The following NDEL1 variants were observed in gnomAD, a reference collection of about 807,000 sequenced individuals.
NDEL1 encodes the protein nuclear distribution protein nudE-like 1.
NDEL1 carries 9 observed loss-of-function variants against 45.7 expected under a neutral mutation model. That is an observed-to-expected ratio of 0.20 (90% confidence interval 0.12 to 0.34). The LOEUF is 0.34. Ranked by LOEUF, NDEL1 falls within the 10% of genes least tolerant of loss-of-function variation. The probability of loss-of-function intolerance (pLI) is 1.00; values close to 1 mark genes in which losing one functional copy is unlikely to be tolerated. For synonymous variants in NDEL1, 133 were observed against 158.6 expected (o/e 0.84, Z 1.21); for missense variants, 306 against 406.2 (o/e 0.75, Z 2.12).
intron 1 of NDEL1, among the ~76,000 whole-genome samples, chr17:8,437,048 A>T (rs1909397455): frequency 6.6e-6 from 1 of 152,220 alleles, no homozygotes; most frequent in African/African-American, 2.4e-5. Context: ...TATTTTTGAG[A>T]AAACTCACCT....
At chr17:8,450,282 C>G (rs1440063358) in intron 5 of NDEL1, among the ~76,000 whole-genome samples, 1 of 124,728 alleles carries the variant, frequency 8.0e-6, no homozygotes, top group South Asian at 2.8e-4. Context: ...GAGTGAGACT[C>G]CGTCTCAAAA....
downstream of NDEL1, among the ~76,000 whole-genome samples, chr17:8,472,228 T>TAAGGC (rs1356743366): frequency 6.6e-6 from 1 of 152,212 alleles, no homozygotes; most frequent in South Asian, 2.1e-4. Flanking sequence ...CTAGAACAGC[T>TAAGGC]TGGCCTTACG....
downstream of NDEL1, among the ~76,000 whole-genome samples, chr17:8,471,676 A>AGT (rs1911836612): frequency 1.3e-5 from 2 of 152,338 alleles, no homozygotes; most frequent in East Asian, 3.9e-4. Context: ...CTGTAGCTAT[A>AGT]GTGAATGCCT....
chr17:8,428,557 G>C (rs1908909132), intron 1 of NDEL1, among the ~76,000 whole-genome samples: 1 of 151,384 alleles, frequency 6.6e-6, no homozygotes, highest in South Asian at 2.1e-4. Context: ...TAGACATGGG[G>C]TTTCACCATA....
At chr17:8,462,431 C>T (rs1242526063) in intron 8 of NDEL1, among the ~76,000 whole-genome samples, 2 of 152,072 alleles carry the variant, frequency 1.3e-5, no homozygotes, top group Admixed American at 1.3e-4. Flanking sequence ...ACTTTCTTGC[C>T]GCTTTGCTTC....
upstream of NDEL1, chr17:8,431,153 G>C (rs879730324): frequency 6.6e-6 from 1 of 152,364 alleles, no homozygotes; most frequent in Non-Finnish European, 1.5e-5. Context: ...TCAGCCAGGA[G>C]GCAGGGAGAG....
chr17:8,435,855 C>T (rs1164656505), upstream of NDEL1: 3 of 446,400 alleles, frequency 6.7e-6, no homozygotes, highest in South Asian at 3.1e-5. Flanking sequence ...CGCCCCCGTG[C>T]GTCACAGAAT....
In NDEL1 at chr17:8,467,200, G is replaced by A. The variant is rs575410576; in HGVS notation, c.*177G>A. ...GCCCTGCCCAGCCCCGGAACTCTGC[G>A]CGATATCAATACTGGCTATTTTCTC... On this transcript the variant is annotated 3_prime_UTR_variant, in exon 9 of 9. Transcript: ENST00000334527. This position sits in a 1 kb window ranked among gnomAD's most constrained non-coding sequence, Gnocchi z 6.3. 2.2e-5 allele frequency: 14 copies of A among 628,416 alleles called. No homozygotes were observed. Among genetic ancestry groups the A allele is most frequent in the East Asian group, 2.2e-4 (8 of 36,348 alleles). The allele number at this position is 628,416 out of a possible 1,614,324, so 38.9% of individuals were successfully genotyped here. A position where few individuals can be genotyped will look rare whatever the true frequency, so the allele number is the denominator to read the frequency against.
At chr17:8,472,398 A>C (rs1383169089), downstream of NDEL1, among the ~76,000 whole-genome samples, 4 of 152,232 alleles carry the variant, frequency 2.6e-5, no homozygotes, top group Non-Finnish European at 5.9e-5. Flanking sequence ...TCACACCTGT[A>C]ATCCCAGCAC....
In NDEL1 at chr17:8,467,620, C is replaced by T. The variant is rs1306961784; in HGVS notation, c.*597C>T. On this transcript the variant is annotated 3_prime_UTR_variant, in exon 9 of 9. Coordinates refer to ENST00000334527, the MANE Select transcript of NDEL1 (RefSeq NM_030808.5). This position sits in a 1 kb window ranked among gnomAD's most constrained non-coding sequence, Gnocchi z 6.3. ...TCCATGGACTTGCCTCCCAGAGCAG[C>T]ACAATGCCCGTCTGAGCCCCACGTG... 3 of 158,970 alleles carry T rather than the reference C, an allele frequency of 1.9e-5. No individual in the cohort carries two copies. Among genetic ancestry groups the T allele is most frequent in the South Asian group, 4.1e-4 (2 of 4,908 alleles). The allele number at this position is 158,970 out of a possible 1,614,324, so 9.8% of individuals were successfully genotyped here.
At chr17:8,473,859 GC>G (rs1357537028) in intron 3 of NDEL1, among the ~76,000 whole-genome samples, 1 of 152,184 alleles carries the variant, frequency 6.6e-6, no homozygotes, top group Non-Finnish European at 1.5e-5. Context: ...ATGCGTGTCT[GC>G]CTGAAAATGC....
At chr17:8,440,813 T>C (rs553579978) in intron 1 of NDEL1, among the ~76,000 whole-genome samples, 1 of 152,326 alleles carries the variant, frequency 6.6e-6, no homozygotes, top group East Asian at 1.9e-4. Context: ...AACTAGGTGC[T>C]CTTCAAAGCA....
intron 1 of NDEL1, 68 bp from the exon 2 acceptor site, chr17:8,444,192 A>G (rs1909935483): frequency 1.0e-6 from 1 of 1,002,912 alleles, no homozygotes; most frequent in Non-Finnish European, 1.6e-6. Flanking sequence ...GTGTTGTCCC[A>G]GATTTTATGC....
chr17:8,416,713 G>A (rs575043952), intron 1 of NDEL1, among the ~76,000 whole-genome samples: 6 of 152,138 alleles, frequency 3.9e-5, no homozygotes, highest in African/African-American at 1.2e-4. Flanking sequence ...CAATTCTGGA[G>A]GAATCTCTTG....
intron 1 of NDEL1, among the ~76,000 whole-genome samples, chr17:8,428,895 G>A (rs376362214): frequency 3.0e-3 from 449 of 151,722 alleles, no homozygotes; most frequent in Middle Eastern, 0.01. Flanking sequence ...AGATGGTCTC[G>A]ATCTCCTGAC....
At chr17:8,445,676 G>T in intron 2 of NDEL1, 35 bp from the exon 3 acceptor site, 1 of 1,580,516 alleles carries the variant, frequency 6.3e-7, no homozygotes, top group Non-Finnish European at 8.6e-7. Flanking sequence ...GTGGTTCTTA[G>T]TGTAACTCGT....
intron 7 of NDEL1, among the ~76,000 whole-genome samples, chr17:8,459,791 C>T (rs879797359): frequency 6.6e-6 from 1 of 152,056 alleles, no homozygotes; most frequent in Non-Finnish European, 1.5e-5. Flanking sequence ...CCTTCAGTAA[C>T]GCTAAGAGGA....
chr17:8,474,018 C>T (rs1239876007), intron 3 of NDEL1, among the ~76,000 whole-genome samples: 1 of 152,232 alleles, frequency 6.6e-6, no homozygotes, highest in Non-Finnish European at 1.5e-5. Context: ...GCGTGTGCAT[C>T]CTGTGAGGCA....
At chr17:8,455,760 C>A (rs1301869314) in intron 7 of NDEL1, among the ~76,000 whole-genome samples, 1 of 151,670 alleles carries the variant, frequency 6.6e-6, no homozygotes. Context: ...ACCATACCTA[C>A]TCTTTAACCT....
Sources: allele counts gnomAD v4.1 joint callset (sites outside exome capture counted in the v4.1 genomes callset), GRCh38; gene constraint gnomAD v4.1.1; non-coding constraint Gnocchi (gnomAD v3.1); transcripts MANE v1.5; gene names NCBI Gene and HGNC (gene_info 2026-07-23, HGNC 2026-07-21).